Variants in DENND4A observed in about 807,000 individuals in gnomAD.
The protein encoded by DENND4A is C-myc promoter-binding protein.
A neutral mutation model predicts 199.3 loss-of-function variants in DENND4A; 70 were observed. The observed-to-expected ratio is 0.35, with a 90% CI of 0.29 to 0.43. The LOEUF (loss-of-function observed/expected upper bound fraction) is 0.43, where lower values mean the gene tolerates loss of function less well. Ranked by LOEUF, DENND4A falls within the 20% of genes least tolerant of loss-of-function variation. DENND4A has a pLI of 1.00. For missense variants in DENND4A, 1,723 were observed against 2,255.8 expected (o/e 0.76, Z 4.78); for synonymous variants, 686 against 766.9 (o/e 0.89, Z 1.74).
intron 15 of DENND4A, among the ~76,000 whole-genome samples, chr15:65,705,107 A>G (rs1401125854): frequency 6.6e-6 from 1 of 152,186 alleles, no homozygotes; most frequent in East Asian, 1.9e-4. Flanking sequence ...GACAGAAGAC[A>G]TTTAAAAAGT....
chr15:65,715,760 G>C (rs1308094131), intron 13 of DENND4A, 137 bp from the exon 14 acceptor site: 5 of 716,716 alleles, frequency 7.0e-6, no homozygotes, highest in Non-Finnish European at 1.1e-5. Context: ...TGCTGAGAGG[G>C]AAAATGACCT....
intron 4 of DENND4A, among the ~76,000 whole-genome samples, chr15:65,746,103 C>T (rs536578937): frequency 6.6e-6 from 1 of 150,718 alleles, no homozygotes; most frequent in South Asian, 2.1e-4. Flanking sequence ...ATCATACCAT[C>T]GCACTCCAGC....
chr15:65,768,776 A>ATCCT (rs1301543361), intron 1 of DENND4A, among the ~76,000 whole-genome samples: 2 of 152,034 alleles, frequency 1.3e-5, no homozygotes, highest in Non-Finnish European at 2.9e-5. Flanking sequence ...TGAGGTTAGG[A>ATCCT]GTTCAGGACC....
rs151207886 is a variant in DENND4A, at chr15:65,771,199, C to T, written c.-101-9761G>A. On this transcript the variant is annotated intron_variant, in intron 1 of 32. Coordinates refer to ENST00000443035, the MANE Select transcript of DENND4A (RefSeq NM_001320835.1). ...ATCCTCCTTTATAAAGACCGGTAAGCCGCTCTAATTCTTTACAGTTGTCCA... is the reference window on the plus strand; with the variant it reads ...ATCCTCCTTTATAAAGACCGGTAAGTCGCTCTAATTCTTTACAGTTGTCCA... 1.5e-4 allele frequency: 233 copies of T among 1,605,952 alleles called. 1 individual carries two copies. The East Asian group carries it at 5.1e-3, about 35-fold the overall frequency.
At chr15:65,786,824 C>T (rs143256047) in intron 1 of DENND4A, among the ~76,000 whole-genome samples, 107 of 152,188 alleles carry the variant, frequency 7.0e-4, no homozygotes, top group African/African-American at 2.5e-3. Context: ...CATGTCATTG[C>T]TCATATATAT....
intron 7 of DENND4A, 51 bp from the exon 8 acceptor site, chr15:65,732,869 A>G (rs2076003076): frequency 8.9e-7 from 1 of 1,120,950 alleles, no homozygotes; most frequent in Non-Finnish European, 1.3e-6. Context: ...GTCATATGCT[A>G]TAAAGCTCAA....
Position 65,668,069 on chromosome 15 carries a change from A to G in DENND4A, c.4842T>C (p.Asn1614=). ...FCTRSIQIPA[N]RSKTAMSKCP... is the part of the protein sequence containing the mutation. Reference sequence around the variant, plus strand: ...ATTTAGACATAGCTGTTTTTGATCTATTAGCAGGGATCTGAATACTTCGGG... The same window carrying G: ...ATTTAGACATAGCTGTTTTTGATCTGTTAGCAGGGATCTGAATACTTCGGG... The change falls in exon 28 of 33, where the codon AAT becomes AAC. Residue 1614 remains asparagine, a synonymous_variant. Coordinates refer to ENST00000443035, the MANE Select transcript of DENND4A (RefSeq NM_001320835.1). 6.2e-7 allele frequency: 1 copy of G among 1,607,380 alleles called. No homozygotes were observed. Among genetic ancestry groups the G allele is most frequent in the Non-Finnish European group, 8.5e-7 (1 of 1,178,504 alleles).
intron 11 of DENND4A, among the ~76,000 whole-genome samples, chr15:65,728,290 A>C (rs1036142738): frequency 1.3e-5 from 2 of 152,124 alleles, no homozygotes; most frequent in African/African-American, 4.8e-5. Context: ...GGCGTCAGCC[A>C]CCACGCCCAG....
intron 1 of DENND4A, among the ~76,000 whole-genome samples, chr15:65,765,084 T>C (rs971940269): frequency 6.6e-6 from 1 of 152,194 alleles, no homozygotes; most frequent in Non-Finnish European, 1.5e-5. Context: ...AACTTTAATT[T>C]TATTCCATGA....
At chr15:65,706,035 C>A (rs1207801529) in intron 15 of DENND4A, 56 bp downstream of exon 15, 6 of 1,431,956 alleles carry the variant, frequency 4.2e-6, no homozygotes, top group Non-Finnish European at 5.5e-6. Context: ...AAAGCTACGT[C>A]ACAGATGATG....
chr15:65,673,305 C>T (rs1596395667), intron 24 of DENND4A, among the ~76,000 whole-genome samples: 1 of 151,610 alleles, frequency 6.6e-6, no homozygotes, highest in African/African-American at 2.4e-5. Flanking sequence ...CCTGTTTCTA[C>T]AAAAAATACA....
At chr15:65,738,679 A>T in intron 6 of DENND4A, 27 bp downstream of exon 6, 1 of 1,570,428 alleles carries the variant, frequency 6.4e-7, no homozygotes, top group Non-Finnish European at 8.6e-7. Flanking sequence ...AGAAATTTGT[A>T]GATACAATTT....
chr15:65,740,643 A>C (rs1018354997), intron 5 of DENND4A, among the ~76,000 whole-genome samples: 6 of 151,800 alleles, frequency 4.0e-5, no homozygotes, highest in African/African-American at 1.5e-4. Context: ...AGAAAAAAAA[A>C]AAAAGGTGAT....
In DENND4A at chr15:65,756,428, C is replaced by A; in HGVS notation, c.23G>T (p.Arg8Leu). 2 of 1,610,404 alleles carry A rather than the reference C, an allele frequency of 1.2e-6. No individual in the cohort carries two copies. Among genetic ancestry groups the A allele is most frequent in the Non-Finnish European group, 1.7e-6 (2 of 1,178,484 alleles). Reference sequence around the variant, plus strand: ...TGCTACAACAAAGTAGTCAGCAACACGAGGCCCCTTGTCTTCAATCATCTT... The same window carrying A: ...TGCTACAACAAAGTAGTCAGCAACAAGAGGCCCCTTGTCTTCAATCATCTT... Reference protein sequence around the residue: MIEDKGPRVADYFVVAGL... With the variant: MIEDKGPLVADYFVVAGL... The change falls in exon 3 of 33, where the codon CGT becomes CTT. Residue 8 changes from arginine to leucine, a missense_variant. Arg to Leu is a moderately radical substitution (Grantham distance 102). Around this residue, in one of 6 missense-constraint regions of DENND4A, gnomAD observed 725 missense variants for 952.9 expected, o/e 0.76. Coordinates refer to ENST00000443035, the MANE Select transcript of DENND4A (RefSeq NM_001320835.1).
chr15:65,727,959 T>A, intron 11 of DENND4A: 1 of 171,166 alleles, frequency 5.8e-6, no homozygotes, highest in South Asian at 1.1e-4. Context: ...AAACTTATTT[T>A]AAAATTTTAA....
At chr15:65,663,756 A>G (rs1341133632) in intron 32 of DENND4A, among the ~76,000 whole-genome samples, 1 of 150,806 alleles carries the variant, frequency 6.6e-6, no homozygotes, top group Non-Finnish European at 1.5e-5. Context: ...CTCACATGAT[A>G]CTTTCACCTC....
At chr15:65,729,460 A>T (rs774950247) in intron 10 of DENND4A, 74 bp downstream of exon 10, 15 of 1,508,290 alleles carry the variant, frequency 9.9e-6, no homozygotes, top group Non-Finnish European at 1.3e-5. Flanking sequence ...AAGTTATATT[A>T]AAATGGCTTT....
At chr15:65,704,145 T>C (rs2074968347) in intron 15 of DENND4A, among the ~76,000 whole-genome samples, 1 of 152,206 alleles carries the variant, frequency 6.6e-6, no homozygotes, top group Non-Finnish European at 1.5e-5. Context: ...TGTATGTATA[T>C]GATGAGATAA....
intron 27 of DENND4A, 31 bp downstream of exon 27, chr15:65,669,748 T>C (rs1566985432): frequency 6.5e-7 from 1 of 1,549,406 alleles, no homozygotes; most frequent in South Asian, 1.2e-5. Flanking sequence ...ATATATGTTG[T>C]TAAAATATAG....
Sources: allele counts gnomAD v4.1 joint callset (sites outside exome capture counted in the v4.1 genomes callset), GRCh38; gene constraint gnomAD v4.1.1; regional missense constraint gnomAD v4.1.1; transcripts MANE v1.5; gene names NCBI Gene and HGNC (gene_info 2026-07-23, HGNC 2026-07-21).